Variants in TBC1D5 observed in about 807,000 individuals in gnomAD.
TBC1D5 encodes TBC1 domain family member 5, also known as TBC1 domain family, member 5.
In TBC1D5, 75 loss-of-function variants were observed where a neutral mutation model predicts 100.3. That is an observed-to-expected ratio of 0.75 (90% CI 0.62 to 0.91). The LOEUF (loss-of-function observed/expected upper bound fraction) is 0.91, where lower values mean the gene tolerates loss of function less well. Ranked by LOEUF, TBC1D5 falls within the 40% of genes least tolerant of loss-of-function variation. The pLI is 0.00. For missense variants in TBC1D5, 910 were observed against 942.4 expected (o/e 0.97, Z 0.45); for synonymous variants, 323 against 325.6 (o/e 0.99, Z 0.09).
At chr3:17,391,255 T>C (rs141791047) in intron 8 of TBC1D5, among the ~76,000 whole-genome samples, 326 of 152,248 alleles carry the variant, frequency 2.1e-3, no homozygotes, top group African/African-American at 7.2e-3. Flanking sequence ...TCGCTTGATC[T>C]GAAGAAAGTA....
chr3:17,336,892 T>C (rs2087927090), intron 13 of TBC1D5, among the ~76,000 whole-genome samples: 1 of 152,140 alleles, frequency 6.6e-6, no homozygotes, highest in Admixed American at 6.6e-5. Context: ...CAATGCATCA[T>C]ATAAAAACAA....
At chr3:17,622,146 T>A (rs987481453) in intron 2 of TBC1D5, among the ~76,000 whole-genome samples, 9 of 152,136 alleles carry the variant, frequency 5.9e-5, no homozygotes, top group Non-Finnish European at 1.3e-4. Context: ...ACACCTCAGA[T>A]CATCAGGCAT....
At chr3:17,296,184 A>G (rs1314993427) in intron 14 of TBC1D5, among the ~76,000 whole-genome samples, 1 of 152,260 alleles carries the variant, frequency 6.6e-6, no homozygotes, top group Non-Finnish European at 1.5e-5. Flanking sequence ...ATAAAAACAA[A>G]TAATCATGGA....
chr3:17,371,416 G>C (rs2092451366), intron 13 of TBC1D5, among the ~76,000 whole-genome samples: 1 of 152,118 alleles, frequency 6.6e-6, no homozygotes, highest in Admixed American at 6.5e-5. Flanking sequence ...AAGGGGCCTT[G>C]CATCTTTCTT....
chr3:17,482,925 C>T (rs1201895572), intron 3 of TBC1D5, among the ~76,000 whole-genome samples: 1 of 151,966 alleles, frequency 6.6e-6, no homozygotes, highest in Non-Finnish European at 1.5e-5. Flanking sequence ...TCCTACATGC[C>T]CTCAGTATGG....
chr3:17,329,816 C>G (rs1342563903), intron 13 of TBC1D5, among the ~76,000 whole-genome samples: 2 of 152,306 alleles, frequency 1.3e-5, no homozygotes, highest in East Asian at 3.9e-4. Flanking sequence ...AAGATAAGAA[C>G]TAGTACTTTG....
At chr3:17,267,840 T>C (rs1325794322) in intron 15 of TBC1D5, among the ~76,000 whole-genome samples, 3 of 152,152 alleles carry the variant, frequency 2.0e-5, no homozygotes, top group African/African-American at 7.2e-5. Flanking sequence ...TTAATGCAAC[T>C]GGGGCAGTAA....
intron 14 of TBC1D5, among the ~76,000 whole-genome samples, chr3:17,298,411 A>G (rs1314973491): frequency 6.6e-6 from 1 of 152,194 alleles, no homozygotes; most frequent in African/African-American, 2.4e-5. Context: ...ATTAACTGCA[A>G]CCTAGGGTAG....
At chr3:17,290,134 G>A (rs1406805934) in intron 15 of TBC1D5, among the ~76,000 whole-genome samples, 1 of 152,120 alleles carries the variant, frequency 6.6e-6, no homozygotes, top group Non-Finnish European at 1.5e-5. Flanking sequence ...TACTGATCAT[G>A]TTTTTACTTG....
chr3:17,701,915 G>GA (rs953190384), intron 1 of TBC1D5, among the ~76,000 whole-genome samples: 6 of 151,452 alleles, frequency 4.0e-5, no homozygotes, highest in African/African-American at 1.5e-4. Flanking sequence ...ATAAGGACAA[G>GA]AGGACTTAGT....
intron 17 of TBC1D5, among the ~76,000 whole-genome samples, chr3:17,225,362 C>T (rs1482029411): frequency 6.8e-6 from 1 of 147,146 alleles, no homozygotes; most frequent in Non-Finnish European, 1.5e-5. Context: ...TCACTTGAAC[C>T]TGGGAGGTGG....
rs2083509455 is a variant in TBC1D5 at position 17,307,447 on chromosome 3, A to G, written c.1138+545T>C. Among the ~76,000 whole-genome samples, 3 of 152,222 alleles carry G rather than the reference A, an allele frequency of 2.0e-5. No individual in the cohort carries two copies. The South Asian group carries it at 6.2e-4, about 32-fold the overall frequency. ...TAGACACTGGCTTTCCGGTTATTAC[A>G]GACACCATAACATACATCTGAGGAG... is the stretch of plus-strand genomic sequence containing the variant. On this transcript the variant is annotated intron_variant, in intron 14 of 21. Coordinates refer to ENST00000253692, the Ensembl canonical transcript of TBC1D5.
intron 2 of TBC1D5, among the ~76,000 whole-genome samples, chr3:17,588,593 A>G (rs965683224): frequency 1.3e-5 from 2 of 152,122 alleles, no homozygotes; most frequent in Non-Finnish European, 1.5e-5. Context: ...TTTAACGCAC[A>G]AATGCTCAGA....
intron 3 of TBC1D5, among the ~76,000 whole-genome samples, chr3:17,441,268 T>C (rs555410952): frequency 3.1e-4 from 47 of 152,268 alleles, no homozygotes; most frequent in Non-Finnish European, 6.0e-4. Context: ...AACTATAGTA[T>C]TACAGAATGA....
intron 1 of TBC1D5, among the ~76,000 whole-genome samples, chr3:17,700,660 G>A (rs935182496): frequency 6.6e-6 from 1 of 152,114 alleles, no homozygotes; most frequent in Non-Finnish European, 1.5e-5. Context: ...CCATCAAAAA[G>A]TGGGCGAAGG....
At chr3:17,692,288 C>T (rs544374952) in intron 1 of TBC1D5, among the ~76,000 whole-genome samples, 8 of 152,032 alleles carry the variant, frequency 5.3e-5, no homozygotes, top group East Asian at 3.9e-4. Context: ...GACGGGATTT[C>T]GCCATGTTGG....
At chr3:17,740,093 T>C (rs903899058) in exon 1 of TBC1D5, 1 of 151,230 alleles carries the variant, frequency 6.6e-6, no homozygotes, top group African/African-American at 2.4e-5. Flanking sequence ...GATGGACACA[T>C]CACTTGAGGT....
chr3:17,289,530 AGG>A (rs2081509263), intron 15 of TBC1D5, among the ~76,000 whole-genome samples: 1 of 151,930 alleles, frequency 6.6e-6, no homozygotes, highest in Non-Finnish European at 1.5e-5. Context: ...GCTACTCAGG[AGG>A]GTGAGGCAGG....
chr3:17,680,645 G>T (rs2069324580), intron 1 of TBC1D5, among the ~76,000 whole-genome samples: 1 of 151,178 alleles, frequency 6.6e-6, no homozygotes, highest in Non-Finnish European at 1.5e-5. Context: ...GTGTGATATT[G>T]TTTTTGTTGT....
Sources: gnomAD v4.1 joint callset for allele counts (sites outside exome capture counted in the v4.1 genomes callset) on GRCh38, gnomAD v4.1.1 for gene constraint, MANE v1.5 for transcripts, NCBI Gene and HGNC (gene_info 2026-07-23, HGNC 2026-07-21) for gene names.